Variants in GAS7 observed in about 807,000 individuals in gnomAD.
GAS7 encodes the protein growth arrest-specific protein 7.
GAS7 carries 28 observed loss-of-function variants against 71.1 expected under a neutral mutation model. The observed-to-expected ratio is 0.39, with a 90% confidence interval of 0.29 to 0.54. GAS7 has a LOEUF of 0.54. Among genes scored for constraint, GAS7 ranks in the 20% least tolerant of loss-of-function variants. The pLI, the probability that GAS7 is intolerant of heterozygous loss-of-function variation, is 0.62. For missense variants in GAS7, 436 were observed against 627.8 expected (o/e 0.69, Z 3.27); for synonymous variants, 258 against 245.8 (o/e 1.05, Z -0.46).
intron 1 of GAS7, among the ~76,000 whole-genome samples, chr17:10,171,012 C>T (rs2074331910): frequency 6.6e-6 from 1 of 152,154 alleles, no homozygotes; most frequent in African/African-American, 2.4e-5. Context: ...TGCCTAAGTC[C>T]CAGCCAAGGG....
intron 1 of GAS7, among the ~76,000 whole-genome samples, chr17:10,068,887 T>TC (rs2073310958): frequency 6.6e-6 from 1 of 152,116 alleles, no homozygotes; most frequent in South Asian, 2.1e-4. Flanking sequence ...CTCCCAGCAG[T>TC]CACATAGGAT....
chr17:9,980,756 G>C (rs568260223), intron 3 of GAS7, among the ~76,000 whole-genome samples: 15 of 152,302 alleles, frequency 9.8e-5, no homozygotes, highest in African/African-American at 3.6e-4. Context: ...GAGAGTGAAG[G>C]TCAACTAGGA....
At chr17:9,970,399 G>C (rs1421721248) in intron 3 of GAS7, among the ~76,000 whole-genome samples, 1 of 152,184 alleles carries the variant, frequency 6.6e-6, no homozygotes, top group South Asian at 2.1e-4. Flanking sequence ...TGAGGCCGAG[G>C]TGGGCGGATC....
chr17:9,965,957 A>T (rs1427447651), intron 4 of GAS7, among the ~76,000 whole-genome samples: 1 of 150,732 alleles, frequency 6.6e-6, no homozygotes, highest in Non-Finnish European at 1.5e-5. Flanking sequence ...GTCCGTGGAA[A>T]GTCCCTTTCC....
intron 11 of GAS7, among the ~76,000 whole-genome samples, chr17:9,925,042 A>C (rs1045025425): frequency 6.6e-6 from 1 of 152,222 alleles, no homozygotes; most frequent in African/African-American, 2.4e-5. Flanking sequence ...GAACCTTCAG[A>C]GAGAGCATTG....
intron 1 of GAS7, among the ~76,000 whole-genome samples, chr17:10,091,094 T>C (rs1233251993): frequency 6.6e-6 from 1 of 152,044 alleles, no homozygotes; most frequent in African/African-American, 2.4e-5. Context: ...CTCAATGCTC[T>C]CCCTGCTTTT....
rs2067537102 is a variant in GAS7 at position 9,914,781 on chromosome 17, T to A, written c.*2447A>T. ...ATAGAGGAGAGCAGAGGAATGCCCA[T>A]CTTACATACAACTAGAGCGCCGCTT... On this transcript the variant is annotated 3_prime_UTR_variant, in exon 14 of 14. Coordinates refer to ENST00000432992, the MANE Select transcript of GAS7 (RefSeq NM_201433.2). The A allele has an allele frequency of 4.4e-6, 1 of 228,438 alleles. No individual in the cohort carries two copies. Among genetic ancestry groups the A allele is most frequent in the African/African-American group, 2.2e-5 (1 of 45,056 alleles). The allele number at this position is 228,438 out of a possible 1,614,324, so 14.2% of individuals were successfully genotyped here.
At chr17:10,162,201 C>CTTGGGATTGTCCCT (rs1352243572) in intron 1 of GAS7, among the ~76,000 whole-genome samples, 1 of 150,422 alleles carries the variant, frequency 6.6e-6, no homozygotes, top group Non-Finnish European at 1.5e-5. Context: ...AGTGACTTGG[C>CTTGGGATTGTCCCT]TTGGGATTGT....
intron 3 of GAS7, among the ~76,000 whole-genome samples, chr17:9,971,227 T>C (rs1011204051): frequency 6.6e-6 from 1 of 151,690 alleles, no homozygotes; most frequent in Non-Finnish European, 1.5e-5. Flanking sequence ...TGAGACCCCA[T>C]CTCTATTTTT....
intron 8 of GAS7, among the ~76,000 whole-genome samples, chr17:9,937,724 G>C (rs1261982687): frequency 6.6e-6 from 1 of 152,200 alleles, no homozygotes; most frequent in Non-Finnish European, 1.5e-5. Flanking sequence ...AGGCAGATTT[G>C]GACTGGTTTA....
At chr17:10,022,133 T>C (rs1175613482) in intron 1 of GAS7, among the ~76,000 whole-genome samples, 1 of 152,162 alleles carries the variant, frequency 6.6e-6, no homozygotes, top group East Asian at 1.9e-4. Flanking sequence ...GGCATACGCC[T>C]GTGGTCCCAG....
At position 9,946,987 on chromosome 17, in the gene GAS7, T is replaced by C. The variant is rs752736458; in HGVS notation, c.526-4A>G. The C allele has an allele frequency of 4.5e-5, 73 of 1,604,896 alleles. 1 individual carries two copies. The Middle Eastern group carries it at 8.2e-4, about 18-fold the overall frequency. On this transcript the variant is annotated splice_region_variant and splice_polypyrimidine_tract_variant and intron_variant, in intron 5 of 13. Coordinates refer to ENST00000432992, the MANE Select transcript of GAS7 (RefSeq NM_201433.2). The stretch of plus-strand genomic sequence containing the variant: ...GAGGGAACGTCACACAGTTTATCTG[T>C]AGGGCACAGAACAAGAAAGAATGAC...
At chr17:9,934,357 C>T (rs1007496396) in intron 8 of GAS7, 113 bp from the exon 9 acceptor site, 13 of 720,470 alleles carry the variant, frequency 1.8e-5, no homozygotes, top group African/African-American at 3.5e-5. Context: ...AGAATGTGGA[C>T]GCGGATGAGG....
chr17:9,953,966 T>C (rs1290715389), intron 5 of GAS7, among the ~76,000 whole-genome samples: 7 of 152,192 alleles, frequency 4.6e-5, no homozygotes, highest in Non-Finnish European at 8.8e-5. Flanking sequence ...TAAGTCACTG[T>C]AATTCTTTGG....
At chr17:10,027,256 ATGAG>A (rs772507249) in intron 1 of GAS7, among the ~76,000 whole-genome samples, 4 of 151,712 alleles carry the variant, frequency 2.6e-5, no homozygotes, top group Non-Finnish European at 4.4e-5. Flanking sequence ...GAATGAATGA[ATGAG>A]TGAATGAAAA....
At chr17:10,040,154 G>A (rs562512538) in intron 1 of GAS7, among the ~76,000 whole-genome samples, 20 of 152,238 alleles carry the variant, frequency 1.3e-4, no homozygotes, top group East Asian at 3.9e-4. Flanking sequence ...TTCTATGATC[G>A]CCCTCATTTA....
intron 8 of GAS7, among the ~76,000 whole-genome samples, chr17:9,939,614 CTTTTT>C (rs548573216): frequency 6.9e-6 from 1 of 144,336 alleles, no homozygotes; most frequent in African/African-American, 2.5e-5. Context: ...GTGGAAGTGC[CTTTTT>C]TTTTTTTTGA....
At chr17:9,941,374 C>CA (rs1441818100) in intron 7 of GAS7, among the ~76,000 whole-genome samples, 1 of 152,190 alleles carries the variant, frequency 6.6e-6, no homozygotes, top group East Asian at 1.9e-4. Context: ...ACAGCATGCA[C>CA]CAGACACACG....
rs1051785009 is a variant in GAS7, at chr17:10,026,800, C to T, written c.184-6903G>A. ...ACAGCTACCCGAGAAGGATACTCTC[C>T]TCCAGCTCTGGGTTAAGACACAAAT... is the stretch of plus-strand genomic sequence containing the variant. On this transcript the variant is annotated intron_variant, in intron 1 of 13. Coordinates refer to ENST00000432992, the MANE Select transcript of GAS7 (RefSeq NM_201433.2). The surrounding 1 kb of genome is among the most constrained non-coding windows in gnomAD (Gnocchi z 4.5). 2.0e-5 allele frequency among the ~76,000 whole-genome samples: 3 copies of T among 152,230 alleles called. No individual in the cohort carries two copies. The highest frequency in any genetic ancestry group is 4.4e-5 in the Non-Finnish European group (3 of 68,034).
Sources: allele counts gnomAD v4.1 joint callset (sites outside exome capture counted in the v4.1 genomes callset), GRCh38; gene constraint gnomAD v4.1.1; non-coding constraint Gnocchi (gnomAD v3.1); transcripts MANE v1.5; gene names NCBI Gene and HGNC (gene_info 2026-07-23, HGNC 2026-07-21).